PROP1: variants seen among roughly 807,000 people sequenced by gnomAD.
The protein encoded by PROP1 is homeobox protein prophet of Pit-1.
In PROP1, 12 loss-of-function variants were observed where a neutral mutation model predicts 22.3. The ratio of observed to expected loss-of-function variants is 0.54; its 90% CI spans 0.34 to 0.87. The LOEUF is 0.87. Among genes scored for constraint, PROP1 ranks in the 40% least tolerant of loss-of-function variants. PROP1 has a pLI of 0.01. For missense variants in PROP1, 278 were observed against 295.1 expected, an observed-to-expected ratio of 0.94 and a Z score of 0.43; for synonymous variants, 112 against 116.7, an observed-to-expected ratio of 0.96 and a Z score of 0.26.
intron 1 of PROP1, 77 bp downstream of exon 1, chr5:177,995,748 T>C (rs1017517241): frequency 4.3e-6 from 5 of 1,159,102 alleles, no homozygotes; most frequent in Non-Finnish European, 6.4e-6. Flanking sequence ...CTCCTAACCT[T>C]CTTCATGGAG....
intron 2 of PROP1, 151 bp from the exon 3 acceptor site, chr5:177,993,198 T>TC (rs1772697255): frequency 4.0e-6 from 3 of 752,630 alleles, no homozygotes; most frequent in Non-Finnish European, 4.6e-6. Context: ...CTGAGCCTGG[T>TC]CTGCTGACAA....
intron 1 of PROP1, 38 bp downstream of exon 1, chr5:177,995,787 C>G (rs776968230): frequency 2.1e-5 from 32 of 1,531,346 alleles, no homozygotes; most frequent in Non-Finnish European, 2.4e-5. Flanking sequence ...CACCCGCTGC[C>G]TCCTCAGGGA....
At position 177,992,803 on chromosome 5, in the gene PROP1, G is replaced by A; in HGVS notation, c.587C>T (p.Pro196Leu). 1.9e-6 allele frequency: 3 copies of A among 1,607,628 alleles called. No homozygotes were observed. The highest frequency in any genetic ancestry group is 2.5e-6 in the Non-Finnish European group (3 of 1,177,126). Reference protein sequence around the residue: ...ALSHQSEDWYPTLHPAPAGHL... With the variant: ...ALSHQSEDWYLTLHPAPAGHL... ...GCCGGCAGGGGCTGGGTGCAAGGTA[G>A]GGTACCAGTCCTCAGACTGGTGTGA... The change falls in exon 3 of 3, where the codon CCT becomes CTT. Residue 196 changes from proline (P) to leucine (L), a missense_variant. Physicochemically the swap from Pro to Leu is moderately conservative, Grantham distance 98. Transcript: ENST00000308304.
chr5:177,995,795 G>C (rs762354528), intron 1 of PROP1, 30 bp downstream of exon 1: 4 of 1,569,780 alleles, frequency 2.5e-6, no homozygotes, highest in Non-Finnish European at 3.5e-6. Flanking sequence ...GCCTCCTCAG[G>C]GACCCACGCA....
Position 177,994,102 on chromosome 5 carries a change from T to C in PROP1, c.342+4A>G. On this transcript the variant is annotated splice_donor_region_variant and intron_variant, in intron 2 of 2. Coordinates refer to ENST00000308304, the MANE Select transcript of PROP1 (RefSeq NM_006261.5). Reference sequence around the variant, plus strand: ...CCTGAGAGAGGAGGATCCTGGAGCATCACCTGGATTCGGGCCTCACTGAGG... The same window carrying C: ...CCTGAGAGAGGAGGATCCTGGAGCACCACCTGGATTCGGGCCTCACTGAGG... 6.2e-7 allele frequency: 1 copy of C among 1,612,374 alleles called. No homozygotes were observed. The highest frequency in any genetic ancestry group is 8.5e-7 in the Non-Finnish European group (1 of 1,178,432).
Position 177,992,565 on chromosome 5 carries a change from T to G in PROP1, c.*144A>C, listed in dbSNP as rs1772661094. 1.6e-6 allele frequency: 1 copy of G among 634,686 alleles called. No individual in the cohort carries two copies. Among genetic ancestry groups the G allele is most frequent in the South Asian group, 2.0e-5 (1 of 51,166 alleles). 39.3% of individuals were successfully genotyped at this position (634,686 alleles called of 1,614,324 possible). The stretch of plus-strand genomic sequence containing the variant: ...TCACCCCAGTGAGAATTCACCATGA[T>G]CTCCCATTTTTAAATTTCTAATCGC... On this transcript the variant is annotated 3_prime_UTR_variant, in exon 3 of 3. Transcript: ENST00000308304.
At chr5:177,993,413 T>C (rs1013230141) in intron 2 of PROP1, among the ~76,000 whole-genome samples, 3 of 152,212 alleles carry the variant, frequency 2.0e-5, no homozygotes, top group Admixed American at 6.5e-5. Flanking sequence ...CAAGCTTGAA[T>C]TTAGGGTAGG....
chr5:177,995,842 G>A lies in PROP1; in HGVS notation c.92C>T (p.Thr31Ile). Residue 31 changes from threonine to isoleucine, a missense_variant, in exon 1 of 3, where the codon ACC becomes ATC. Thr to Ile is a moderately conservative substitution (Grantham distance 89). Coordinates refer to ENST00000308304, the MANE Select transcript of PROP1 (RefSeq NM_006261.5). Reference protein sequence around the residue: ...LLPERHPATGTPTTTVDSSAP... With the variant: ...LLPERHPATGIPTTTVDSSAP... ...TCACTCACCCACCGTGGTGGTCGGG[G>A]TCCCAGTGGCCGGGTGTCTCTCAGG... The A allele has an allele frequency of 5.6e-6, 9 of 1,613,830 alleles. No homozygotes were observed. Among genetic ancestry groups the A allele is most frequent in the Non-Finnish European group, 7.6e-6 (9 of 1,180,004 alleles).
chr5:177,995,734 T>G, intron 1 of PROP1, 91 bp downstream of exon 1: 1 of 1,030,994 alleles, frequency 9.7e-7, no homozygotes, highest in East Asian at 2.4e-5. Context: ...GGTTTTAATT[T>G]CTCCTCCTAA....
chr5:177,992,760 T>TGGGGGGGGGGGGGG lies in PROP1; in HGVS notation c.629_630insCCCCCCCCCCCCCC (p.Met214ProfsTer27). 1 of 270,468 alleles carries TGGGGGGGGGGGGGG rather than the reference T, an allele frequency of 3.7e-6. No individual in the cohort carries two copies. Among genetic ancestry groups the TGGGGGGGGGGGGGG allele is most frequent in the South Asian group, 3.7e-5 (1 of 27,028 alleles). 16.8% of individuals were successfully genotyped at this position (270,468 alleles called of 1,614,324 possible). A position where few individuals can be genotyped will look rare whatever the true frequency, so the allele number is the denominator to read the frequency against. On this transcript the variant is annotated frameshift_variant, in exon 3 of 3. Transcript: ENST00000308304. LOFTEE classifies it high-confidence loss of function. The stretch of plus-strand genomic sequence containing the variant: ...GGCTGAGGGGGAGCATGGGAGGGGG[T>TGGGGGGGGGGGGGG]GGGGGGCAGGGCAGATGGCCGGCAG...
At chr5:177,995,552 C>G (rs1755742716) in intron 1 of PROP1, among the ~76,000 whole-genome samples, 2 of 149,148 alleles carry the variant, frequency 1.3e-5, no homozygotes, top group African/African-American at 4.9e-5. Flanking sequence ...CTAACCAACT[C>G]TGAGGTCAGG....
At position 177,995,939 on chromosome 5, in the gene PROP1, G is replaced by T. The variant is rs774458509; in HGVS notation, c.-6C>A. The T allele has an allele frequency of 2.6e-5, 42 of 1,610,300 alleles. No individual in the cohort carries two copies. The East Asian group carries it at 4.9e-4, about 19-fold the overall frequency. On this transcript the variant is annotated 5_prime_UTR_variant, in exon 1 of 3. Transcript: ENST00000308304. ...CGCCTCCTTTCTGCTTCCATGGCTC[G>T]CCACGGGGACCAAGTGTCCCTGAAT...
rs557009822 is a variant in PROP1 at position 177,992,661 on chromosome 5, T to G, written c.*48A>C. ...GAAGCCACCCCATTTTCTTGTCTTTTCACGAGGGCCGCAGGCTGGGGATCA... is the reference window on the plus strand; with the variant it reads ...GAAGCCACCCCATTTTCTTGTCTTTGCACGAGGGCCGCAGGCTGGGGATCA... On this transcript the variant is annotated 3_prime_UTR_variant, in exon 3 of 3. Transcript: ENST00000308304. 9.6e-6 allele frequency: 13 copies of G among 1,349,060 alleles called. No homozygotes were observed. In the African/African-American group the frequency reaches 1.7e-4, roughly 18 times the overall value. The allele number at this position is 1,349,060 out of a possible 1,614,324, so 83.6% of individuals were successfully genotyped here.
intron 2 of PROP1, 87 bp from the exon 3 acceptor site, chr5:177,993,134 G>A: frequency 8.5e-7 from 1 of 1,176,780 alleles, no homozygotes; most frequent in Admixed American, 2.0e-5. Flanking sequence ...CAGGGACAGG[G>A]AGCAGGCTTC....
In PROP1 at chr5:177,996,184, A is replaced by G; in HGVS notation, c.-251T>C. 1 of 547,426 alleles carries G rather than the reference A, an allele frequency of 1.8e-6. No homozygotes were observed. The allele number at this position is 547,426 out of a possible 1,614,324, so 33.9% of individuals were successfully genotyped here. ...CAGCTCAATCTCCTGCCTCAGCCTC[A>G]CCTGTTGCTCTGTTTCTGACTACTT... On this transcript the variant is annotated 5_prime_UTR_variant, in exon 1 of 3. Coordinates refer to ENST00000308304, the MANE Select transcript of PROP1 (RefSeq NM_006261.5).
At position 177,993,012 on chromosome 5, in the gene PROP1, C is replaced by A; in HGVS notation, c.378G>T (p.Lys126Asn). The A allele has an allele frequency of 6.2e-7, 1 of 1,613,868 alleles. No individual in the cohort carries two copies. The highest frequency in any genetic ancestry group is 8.5e-7 in the Non-Finnish European group (1 of 1,179,950). The change falls in exon 3 of 3, where the codon AAG becomes AAT. Residue 126 changes from lysine to asparagine, a missense_variant. By Grantham distance (94) the Lys-to-Asn change is moderately conservative (BLOSUM62 0). Coordinates refer to ENST00000308304, the MANE Select transcript of PROP1 (RefSeq NM_006261.5). Reference sequence around the variant, plus strand: ...GAGGCTGAAGCAGTGAGCGCTCTTGCTTCCGTTGCTTAGCTCTGCGGTTCT... The same window carrying A: ...GAGGCTGAAGCAGTGAGCGCTCTTGATTCCGTTGCTTAGCTCTGCGGTTCT... Reference protein sequence around the residue: ...WFQNRRAKQRKQERSLLQPLA... With the variant: ...WFQNRRAKQRNQERSLLQPLA...
Position 177,994,231 on chromosome 5 carries a change from G to A in PROP1, c.217C>T (p.Arg73Cys), listed in dbSNP as rs121917843. The A allele has an allele frequency of 6.8e-6, 11 of 1,614,056 alleles. No individual in the cohort carries two copies. Among genetic ancestry groups the A allele is most frequent in the Admixed American group, 1.7e-5 (1 of 60,016 alleles). ...AACTGCACTGGGCTGAAGGTGGTGC[G>A]GTGGCGGCGCCGGGAGTGCGGGCGG... ...RGRPHSRRRH[R>C]TTFSPVQLEQ... The change falls in exon 2 of 3, where the codon CGC becomes TGC. Residue 73 changes from arginine (R) to cysteine (C), a missense_variant. Physicochemically the swap from Arg to Cys is radical, Grantham distance 180. Transcript: ENST00000308304.
intron 2 of PROP1, among the ~76,000 whole-genome samples, chr5:177,993,565 A>G (rs374530233): frequency 1.4e-5 from 2 of 147,382 alleles, no homozygotes; most frequent in African/African-American, 5.0e-5. Flanking sequence ...TGGCATCACT[A>G]TTTTTTTTTT....
chr5:177,992,530 CCT>C lies in PROP1; in HGVS notation c.*177_*178del. On this transcript the variant is annotated 3_prime_UTR_variant, in exon 3 of 3. Transcript: ENST00000308304. ...TCCAGTAGCTCACCTCCCCAGACTT[CCT>C]CCACTAATCACCCCAGTGAGAATTC... 1 of 600,662 alleles carries C rather than the reference CCT, an allele frequency of 1.7e-6. No individual in the cohort carries two copies. The highest frequency in any genetic ancestry group is 2.9e-5 in the Admixed American group (1 of 33,986). The allele number at this position is 600,662 out of a possible 1,614,324, so 37.2% of individuals were successfully genotyped here.
Sources: gnomAD v4.1 joint callset for allele counts (sites outside exome capture counted in the v4.1 genomes callset) on GRCh38, gnomAD v4.1.1 for gene constraint, MANE v1.5 for transcripts, NCBI Gene and HGNC (gene_info 2026-07-23, HGNC 2026-07-21) for gene names.